SIK3: variants seen among roughly 807,000 people sequenced by gnomAD.
The protein encoded by SIK3 is SIK family kinase 3, also known as serine/threonine-protein kinase SIK3.
SIK3 carries 28 observed loss-of-function variants against 144.2 expected under a neutral mutation model. The ratio of observed to expected loss-of-function variants is 0.19; its 90% CI spans 0.14 to 0.27. The LOEUF (loss-of-function observed/expected upper bound fraction) is 0.27. SIK3 is among the 10% of genes least tolerant of loss of function. The pLI, the probability that SIK3 is intolerant of heterozygous loss-of-function variation, is 1.00. For missense variants in SIK3, 1,319 were observed against 1,776.0 expected (o/e 0.74, Z 4.62); for synonymous variants, 686 against 676.3 (o/e 1.01, Z -0.22).
chr11:116,950,516 G>T (rs1222928432), intron 3 of SIK3, among the ~76,000 whole-genome samples: 1 of 152,168 alleles, frequency 6.6e-6, no homozygotes, highest in African/African-American at 2.4e-5. Flanking sequence ...CAATGATGAA[G>T]TTCCCTCTGC....
Position 117,014,966 on chromosome 11 carries a change from A to G in SIK3, c.274-57902T>C, listed in dbSNP as rs182738832. On this transcript the variant is annotated intron_variant, in intron 1 of 24. Coordinates refer to ENST00000445177, the MANE Select transcript of SIK3 (RefSeq NM_001366686.3). ...TTAGTCCCAGCTACTCAGGAGGCTGAGGCAGGAGGATCACTTGAGCCCAGG... is the reference window on the plus strand; with the variant it reads ...TTAGTCCCAGCTACTCAGGAGGCTGGGGCAGGAGGATCACTTGAGCCCAGG... Among the ~76,000 whole-genome samples, 511 of 152,280 alleles carry G rather than the reference A, an allele frequency of 3.4e-3. 1 individual carries two copies. Among genetic ancestry groups the G allele is most frequent in the Middle Eastern group, 0.01 (3 of 294 alleles).
intron 1 of SIK3, among the ~76,000 whole-genome samples, chr11:117,000,479 A>T (rs1780059627): frequency 6.6e-6 from 1 of 152,228 alleles, no homozygotes; most frequent in African/African-American, 2.4e-5. Flanking sequence ...TCTGTCATGA[A>T]GCCAAGAAAT....
chr11:117,014,478 T>C (rs141482238), intron 1 of SIK3, among the ~76,000 whole-genome samples: 204 of 151,800 alleles, frequency 1.3e-3, no homozygotes, highest in Non-Finnish European at 2.6e-3. Context: ...TTAAATTTCA[T>C]TACAACATTA....
rs764293252 is a variant in SIK3 at position 116,897,214 on chromosome 11, A to G, written c.720T>C (p.Asp240=). The G allele has an allele frequency of 3.1e-6, 5 of 1,613,950 alleles. No homozygotes were observed. Among genetic ancestry groups the G allele is most frequent in the African/African-American group, 1.3e-5 (1 of 74,920 alleles). Residue 240 remains aspartate, a synonymous_variant, in exon 5 of 25, where the codon GAT becomes GAC. Coordinates refer to ENST00000445177, the MANE Select transcript of SIK3 (RefSeq NM_001366686.3). The part of the protein sequence containing the change: ...APELFEGKEY[D]GPKVDIWSLG... ...TTACCCAGATGTCCACTTTGGGCCCATCATATTCTTTTCCTTCAAAGAGTT... is the reference window on the plus strand; with the variant it reads ...TTACCCAGATGTCCACTTTGGGCCCGTCATATTCTTTTCCTTCAAAGAGTT...
At chr11:116,953,939 A>T in intron 3 of SIK3, 105 bp downstream of exon 3, 1 of 769,174 alleles carries the variant, frequency 1.3e-6, no homozygotes. Context: ...ATTGAAGAAC[A>T]GCATCAAGTG....
At chr11:116,982,603 A>G (rs1950183254) in intron 1 of SIK3, among the ~76,000 whole-genome samples, 2 of 151,770 alleles carry the variant, frequency 1.3e-5, no homozygotes, top group South Asian at 4.2e-4. Context: ...TATTTTTCTT[A>G]CACTAGTTCC....
chr11:116,862,363 C>G (rs377695170), intron 16 of SIK3, 36 bp from the exon 17 acceptor site: 11 of 1,612,336 alleles, frequency 6.8e-6, no homozygotes, highest in African/African-American at 4.0e-5. Flanking sequence ...TGGGATGCAG[C>G]CAGACCCGCC....
intron 6 of SIK3, among the ~76,000 whole-genome samples, chr11:116,878,118 A>C (rs538626411): frequency 2.6e-5 from 4 of 152,264 alleles, no homozygotes; most frequent in South Asian, 2.1e-4. Context: ...CCCCAACACT[A>C]ATTCAGCACT....
intron 6 of SIK3, among the ~76,000 whole-genome samples, chr11:116,884,115 G>A (rs1184436199): frequency 6.6e-6 from 1 of 152,078 alleles, no homozygotes; most frequent in Non-Finnish European, 1.5e-5. Context: ...GGATTGGAAT[G>A]CTTTTATTCT....
chr11:116,935,745 G>A (rs890790654), intron 3 of SIK3, among the ~76,000 whole-genome samples: 3 of 152,152 alleles, frequency 2.0e-5, no homozygotes, highest in Non-Finnish European at 4.4e-5. Flanking sequence ...GGTACCTTTC[G>A]ATTTGTTAAA....
Position 116,861,285 on chromosome 11 carries a change from A to G in SIK3, c.2414T>C (p.Ile805Thr), listed in dbSNP as rs748903473. Reference protein sequence around the residue: ...NSPPPMSSAMIQPHGAASSSQ... With the variant: ...NSPPPMSSAMTQPHGAASSSQ... ...ACCTCTCCACTCACCGTGAGGCTGGATCATGGCACTGCTCATGGGGGGAGG... is the reference window on the plus strand; with the variant it reads ...ACCTCTCCACTCACCGTGAGGCTGGGTCATGGCACTGCTCATGGGGGGAGG... The change falls in exon 19 of 25, where the codon ATC (isoleucine) becomes ACC (threonine). Residue 805 changes from isoleucine to threonine, a missense_variant. By Grantham distance (89) the Ile-to-Thr change is moderately conservative. Coordinates refer to ENST00000445177, the MANE Select transcript of SIK3 (RefSeq NM_001366686.3). The G allele has an allele frequency of 1.3e-6, 2 of 1,593,586 alleles. No homozygotes were observed. Among genetic ancestry groups the G allele is most frequent in the African/African-American group, 2.7e-5 (2 of 73,380 alleles).
chr11:117,068,231 G>A (rs550342084), intron 1 of SIK3, among the ~76,000 whole-genome samples: 1 of 152,034 alleles, frequency 6.6e-6, no homozygotes, highest in Non-Finnish European at 1.5e-5. Context: ...GGCTCCTTAA[G>A]GTCTATAAGA....
intron 1 of SIK3, among the ~76,000 whole-genome samples, chr11:117,040,539 C>T (rs1440290538): frequency 3.3e-5 from 5 of 152,094 alleles, no homozygotes; most frequent in African/African-American, 4.8e-5. Context: ...TACATAAATG[C>T]TACAGATGTG....
intron 1 of SIK3, among the ~76,000 whole-genome samples, chr11:117,019,758 C>A (rs1267481599): frequency 6.6e-6 from 1 of 151,896 alleles, no homozygotes; most frequent in Non-Finnish European, 1.5e-5. Context: ...GGACTACAGG[C>A]GCGTGCCACC....
chr11:116,963,640 A>G (rs1297028525), intron 1 of SIK3, among the ~76,000 whole-genome samples: 2 of 152,194 alleles, frequency 1.3e-5, no homozygotes, highest in Non-Finnish European at 2.9e-5. Flanking sequence ...CCCTGAATCA[A>G]ACTCTGAGAA....
chr11:116,873,190 G>T (rs941447950), intron 13 of SIK3, among the ~76,000 whole-genome samples: 27 of 152,256 alleles, frequency 1.8e-4, no homozygotes, highest in Non-Finnish European at 3.7e-4. Context: ...CCTGCCCCAA[G>T]CTGGCAGGAG....
chr11:116,899,423 T>C (rs1043981181), intron 4 of SIK3, among the ~76,000 whole-genome samples: 1 of 152,168 alleles, frequency 6.6e-6, no homozygotes, highest in Non-Finnish European at 1.5e-5. Flanking sequence ...CCAGCTTTGT[T>C]CTTTTGGCTT....
intron 1 of SIK3, among the ~76,000 whole-genome samples, chr11:117,095,254 C>A (rs1340348569): frequency 1.3e-5 from 2 of 148,686 alleles, no homozygotes; most frequent in Non-Finnish European, 3.0e-5. Context: ...TCAGAAAATA[C>A]CTATTACCTA....
At chr11:116,929,978 T>C (rs1206068573) in intron 3 of SIK3, among the ~76,000 whole-genome samples, 1 of 152,108 alleles carries the variant, frequency 6.6e-6, no homozygotes, top group Non-Finnish European at 1.5e-5. Context: ...ACTATAATAC[T>C]TTCCCCAAAG....
Sources: allele counts gnomAD v4.1 joint callset (sites outside exome capture counted in the v4.1 genomes callset), GRCh38; gene constraint gnomAD v4.1.1; transcripts MANE v1.5; gene names NCBI Gene and HGNC (gene_info 2026-07-23, HGNC 2026-07-21).